The following CDC42SE2 variants were observed in gnomAD, a reference collection of about 807,000 sequenced individuals.
The protein encoded by CDC42SE2 is CDC42 small effector protein 2.
A neutral mutation model predicts 11.5 loss-of-function variants in CDC42SE2; 3 were observed. The observed-to-expected ratio is 0.26, with a 90% confidence interval of 0.12 to 0.67. The LOEUF (loss-of-function observed/expected upper bound fraction) is 0.67, where lower values mean the gene tolerates loss of function less well. CDC42SE2 is among the 30% of genes least tolerant of loss of function. The pLI is 0.80. For missense variants in CDC42SE2, 82 were observed against 106.8 expected (o/e 0.77, Z 1.02); for synonymous variants, 33 against 34.8 (o/e 0.95, Z 0.18).
chr5:131,390,042 C>G (rs548451219), intron 4 of CDC42SE2, among the ~76,000 whole-genome samples: 1 of 152,204 alleles, frequency 6.6e-6, no homozygotes, highest in Non-Finnish European at 1.5e-5. Flanking sequence ...TCCCAATTTT[C>G]ATATATCTTG....
chr5:131,289,023 C>T (rs1757397445), intron 1 of CDC42SE2, among the ~76,000 whole-genome samples: 1 of 152,158 alleles, frequency 6.6e-6, no homozygotes, highest in African/African-American at 2.4e-5. Flanking sequence ...GTATTCTATA[C>T]ATTTTTTTTG....
chr5:131,216,518 A>AAAAAAAC, the CDC42SE2 span, among the ~76,000 whole-genome samples: 225 of 146,060 alleles, frequency 1.5e-3, 4 homozygotes, highest in African/African-American at 5.1e-3. Flanking sequence ...AAAAAAAAAA[A>AAAAAAAC]AAAACATTAT....
At chr5:131,225,470 T>C in the CDC42SE2 span, among the ~76,000 whole-genome samples, 10 of 152,196 alleles carry the variant, frequency 6.6e-5, no homozygotes, top group Non-Finnish European at 7.3e-5. Context: ...CTGTGGGTGA[T>C]TGAATTACAA....
chr5:131,267,055 A>AT lies in CDC42SE2; in HGVS notation c.-455+2907dup, dbSNP rs71000983. Among the ~76,000 whole-genome samples the AT allele has an allele frequency of 4.2e-3, 472 of 113,670 alleles. 5 individuals carry two copies. The highest frequency in any genetic ancestry group is 0.014 in the African/African-American group (421 of 30,258). 74.6% of individuals were successfully genotyped at this position (113,670 alleles called of 152,430 possible). ...TTTTTCCAAGAAATCAGAACTCATA[A>AT]TTTTTTTTTTTTTTTTTTGAAACGG... is the stretch of plus-strand genomic sequence containing the variant. On this transcript the variant is annotated intron_variant, in intron 1 of 4. Transcript: ENST00000505065.
Position 131,392,602 on chromosome 5 carries a change from T to C in CDC42SE2, c.*1511T>C, listed in dbSNP as rs1240869908. ...CATTCTGTTGTAAATGTTCAATATA[T>C]TTATTTTGAGAGCAAGGACCTGTGG... On this transcript the variant is annotated 3_prime_UTR_variant, in exon 5 of 5. Transcript: ENST00000505065. 1.3e-5 allele frequency: 2 copies of C among 152,342 alleles called. No homozygotes were observed. The highest frequency in any genetic ancestry group is 4.8e-5 in the African/African-American group (2 of 41,446). The allele number at this position is 152,342 out of a possible 1,614,324, so 9.4% of individuals were successfully genotyped here. A position where few individuals can be genotyped will look rare whatever the true frequency, so the allele number is the denominator to read the frequency against.
chr5:131,229,580 G>A, the CDC42SE2 span, among the ~76,000 whole-genome samples: 6 of 151,998 alleles, frequency 3.9e-5, no homozygotes, highest in East Asian at 1.9e-4. Flanking sequence ...TGTTTTTTTA[G>A]CAATTTAAGA....
At chr5:131,300,294 C>T (rs1356241817) in intron 1 of CDC42SE2, among the ~76,000 whole-genome samples, 2 of 151,730 alleles carry the variant, frequency 1.3e-5, no homozygotes, top group African/African-American at 4.8e-5. Context: ...GGAGTGAGAA[C>T]AAGTGAGAGC....
At chr5:131,323,423 T>G (rs1220869530) in intron 2 of CDC42SE2, among the ~76,000 whole-genome samples, 3 of 151,980 alleles carry the variant, frequency 2.0e-5, no homozygotes, top group African/African-American at 4.8e-5. Context: ...GATTTCAGTT[T>G]TATTACTAAA....
At chr5:131,308,668 G>A (rs1757831088) in intron 1 of CDC42SE2, among the ~76,000 whole-genome samples, 1 of 147,534 alleles carries the variant, frequency 6.8e-6, no homozygotes, top group Non-Finnish European at 1.5e-5. Flanking sequence ...CACATCCCTT[G>A]TAAGTTGGAT....
the CDC42SE2 span, among the ~76,000 whole-genome samples, chr5:131,219,012 G>A: frequency 6.6e-4 from 101 of 152,204 alleles, no homozygotes; most frequent in African/African-American, 2.3e-3. Flanking sequence ...TAATGATTAC[G>A]AAAAAGAACA....
At chr5:131,334,680 TG>T in intron 2 of CDC42SE2, among the ~76,000 whole-genome samples, 1 of 152,340 alleles carries the variant, frequency 6.6e-6, no homozygotes, top group East Asian at 1.9e-4. Flanking sequence ...AACTTCTTCC[TG>T]GTTTAGTCTT....
chr5:131,349,409 C>T (rs1464624059), intron 2 of CDC42SE2, among the ~76,000 whole-genome samples: 3 of 152,068 alleles, frequency 2.0e-5, no homozygotes, highest in Non-Finnish European at 4.4e-5. Context: ...TTAACGAGTG[C>T]AGCACACCAA....
At chr5:131,212,201 G>A in the CDC42SE2 span, among the ~76,000 whole-genome samples, 1 of 151,888 alleles carries the variant, frequency 6.6e-6, no homozygotes, top group African/African-American at 2.4e-5. Flanking sequence ...TCTGCCTCTT[G>A]GGTTCAAGCG....
At chr5:131,305,875 T>A (rs1217481403) in intron 1 of CDC42SE2, among the ~76,000 whole-genome samples, 1 of 152,246 alleles carries the variant, frequency 6.6e-6, no homozygotes, top group African/African-American at 2.4e-5. Context: ...TTCTAGTAGT[T>A]TGACAGTTTC....
chr5:131,233,149 C>T, the CDC42SE2 span, among the ~76,000 whole-genome samples: 1 of 151,982 alleles, frequency 6.6e-6, no homozygotes, highest in African/African-American at 2.4e-5. Flanking sequence ...TAGCATAAGA[C>T]CCACACTGTT....
the CDC42SE2 span, among the ~76,000 whole-genome samples, chr5:131,225,341 C>G: frequency 3.3e-5 from 5 of 152,162 alleles, no homozygotes; most frequent in South Asian, 2.1e-4. Flanking sequence ...TGCGTACCTA[C>G]AAGCCAGGGA....
intron 3 of CDC42SE2, among the ~76,000 whole-genome samples, chr5:131,381,582 C>T (rs1384946597): frequency 6.6e-6 from 1 of 152,204 alleles, no homozygotes; most frequent in Non-Finnish European, 1.5e-5. Context: ...CTCGGCCTCC[C>T]AAAGTGCTGG....
intron 2 of CDC42SE2, among the ~76,000 whole-genome samples, chr5:131,317,730 T>G (rs911673320): frequency 6.6e-6 from 1 of 152,176 alleles, no homozygotes; most frequent in Non-Finnish European, 1.5e-5. Context: ...CCTCTTTTTC[T>G]TCTTGAAAAT....
chr5:131,307,570 G>A (rs1464197353), intron 1 of CDC42SE2, among the ~76,000 whole-genome samples: 1 of 152,008 alleles, frequency 6.6e-6, no homozygotes, highest in African/African-American at 2.4e-5. Flanking sequence ...ATAATCCTTT[G>A]GGTATATACC....
Sources: gnomAD v4.1 joint callset for allele counts (sites outside exome capture counted in the v4.1 genomes callset) on GRCh38, gnomAD v4.1.1 for gene constraint, MANE v1.5 for transcripts, NCBI Gene and HGNC (gene_info 2026-07-23, HGNC 2026-07-21) for gene names.